The following MDGA2 variants were observed in gnomAD, a reference collection of about 807,000 sequenced individuals.
MDGA2 encodes the protein MAM domain containing glycosylphosphatidylinositol anchor 2.
Under a neutral mutation model 117.8 loss-of-function variants are expected in MDGA2, and 40 were observed. The ratio of observed to expected loss-of-function variants is 0.34; its 90% CI spans 0.26 to 0.44. The LOEUF (loss-of-function observed/expected upper bound fraction) is 0.44, where lower values mean the gene tolerates loss of function less well. Among genes scored for constraint, MDGA2 ranks in the 20% least tolerant of loss-of-function variants. The pLI is 1.00. For missense variants in MDGA2, 1,123 were observed against 1,250.6 expected (o/e 0.90, Z 1.54); for synonymous variants, 452 against 439.0 (o/e 1.03, Z -0.37).
chr14:47,283,722 A>C (rs930555172), intron 2 of MDGA2, among the ~76,000 whole-genome samples: 1 of 152,220 alleles, frequency 6.6e-6, no homozygotes, highest in Non-Finnish European at 1.5e-5. Context: ...TTAAGAAATG[A>C]TGATAATCCT....
At chr14:46,948,522 A>T (rs1277329481) in intron 9 of MDGA2, among the ~76,000 whole-genome samples, 1 of 151,742 alleles carries the variant, frequency 6.6e-6, no homozygotes, top group Admixed American at 6.6e-5. Context: ...CACTGCTCTT[A>T]CCCTAAGTTG....
At chr14:47,081,557 A>G (rs1011497372) in intron 6 of MDGA2, among the ~76,000 whole-genome samples, 19 of 152,102 alleles carry the variant, frequency 1.2e-4, no homozygotes, top group African/African-American at 4.1e-4. Flanking sequence ...ACAAAACAAA[A>G]ACACTAGAGT....
chr14:47,485,305 T>G (rs1894037339), intron 1 of MDGA2, among the ~76,000 whole-genome samples: 1 of 152,152 alleles, frequency 6.6e-6, no homozygotes, highest in Non-Finnish European at 1.5e-5. Context: ...TGCCCCACCC[T>G]AGAAATCTGT....
At chr14:47,248,417 A>G (rs113672897) in intron 2 of MDGA2, among the ~76,000 whole-genome samples, 6,122 of 151,802 alleles carry the variant, frequency 0.04, 271 homozygotes, top group Middle Eastern at 0.048. Context: ...TAGATTAATG[A>G]AAGAAGACAA....
chr14:47,419,748 A>G (rs1015539752), intron 1 of MDGA2, among the ~76,000 whole-genome samples: 1 of 152,020 alleles, frequency 6.6e-6, no homozygotes, highest in Non-Finnish European at 1.5e-5. Context: ...TATACTGCAT[A>G]TTCATATTTA....
At chr14:47,111,100 A>T (rs1316269383) in intron 5 of MDGA2, among the ~76,000 whole-genome samples, 1 of 152,198 alleles carries the variant, frequency 6.6e-6, no homozygotes, top group Non-Finnish European at 1.5e-5. Context: ...TGTCCTAGAC[A>T]TTCTCCAAAA....
intron 1 of MDGA2, among the ~76,000 whole-genome samples, chr14:47,337,233 G>A (rs1890486455): frequency 6.6e-6 from 1 of 151,920 alleles, no homozygotes; most frequent in Non-Finnish European, 1.5e-5. Context: ...TTCAAGGAAG[G>A]TAAAATCTGT....
intron 1 of MDGA2, among the ~76,000 whole-genome samples, chr14:47,418,809 G>C (rs911172051): frequency 6.6e-6 from 1 of 152,124 alleles, no homozygotes; most frequent in African/African-American, 2.4e-5. Flanking sequence ...AGGTCTAAGG[G>C]AACAAGAAGA....
intron 1 of MDGA2, among the ~76,000 whole-genome samples, chr14:47,461,365 T>G (rs931023348): frequency 1.3e-5 from 2 of 151,482 alleles, no homozygotes; most frequent in Non-Finnish European, 2.9e-5. Flanking sequence ...AGGAAGAACA[T>G]TTGGTCAAAC....
In MDGA2 at chr14:47,674,591, T is replaced by C. The variant is rs972811953; in HGVS notation, c.206A>G (p.Lys69Arg). The C allele has an allele frequency of 3.2e-6, 5 of 1,551,372 alleles. No individual in the cohort carries two copies. Among genetic ancestry groups the C allele is most frequent in the Non-Finnish European group, 3.5e-6 (4 of 1,146,782 alleles). ...CACGAGACCGTACAGTAAATCCATC[T>C]TCACGTGAACATGAACATATCCAGC... ...PWAGYVHVHV[K>R]MDLLYGLVWL... is the part of the protein sequence containing the mutation. Residue 69 changes from lysine to arginine, a missense_variant, in exon 1 of 17, where the codon AAG (lysine) becomes AGG (arginine). Around this residue, in one of 2 missense-constraint regions of MDGA2, gnomAD observed 233 missense variants for 200.3 expected, o/e 1.16. Transcript: ENST00000399232.
chr14:47,422,557 A>C (rs1892601523), intron 1 of MDGA2, among the ~76,000 whole-genome samples: 1 of 152,212 alleles, frequency 6.6e-6, no homozygotes, highest in Non-Finnish European at 1.5e-5. Context: ...ATTTACATTG[A>C]ATAAAGTTTT....
intron 1 of MDGA2, among the ~76,000 whole-genome samples, chr14:47,359,029 A>G (rs1311433654): frequency 1.3e-5 from 2 of 152,184 alleles, no homozygotes; most frequent in East Asian, 3.9e-4. Flanking sequence ...ATAAAGAAAA[A>G]CAAAGTTGAA....
intron 6 of MDGA2, among the ~76,000 whole-genome samples, chr14:47,077,025 C>G (rs1890521131): frequency 2.0e-5 from 3 of 151,944 alleles, no homozygotes; most frequent in African/African-American, 7.2e-5. Context: ...TGGCTGGCAA[C>G]TCATCATGAA....
At chr14:47,067,590 G>T (rs987810062) in intron 6 of MDGA2, among the ~76,000 whole-genome samples, 3 of 150,162 alleles carry the variant, frequency 2.0e-5, no homozygotes, top group African/African-American at 4.8e-5. Context: ...TAAGAGCCGC[G>T]TGCCTCTTTC....
intron 1 of MDGA2, among the ~76,000 whole-genome samples, chr14:47,575,139 G>A (rs1477569745): frequency 1.3e-5 from 2 of 152,068 alleles, no homozygotes; most frequent in East Asian, 1.9e-4. Flanking sequence ...TAATCATTGT[G>A]TCCATTTTAC....
At chr14:47,409,576 C>T (rs536821118) in intron 1 of MDGA2, among the ~76,000 whole-genome samples, 275 of 152,230 alleles carry the variant, frequency 1.8e-3, no homozygotes, top group Middle Eastern at 3.4e-3. Context: ...GCTGCCATCC[C>T]TATTTCTAAT....
intron 7 of MDGA2, among the ~76,000 whole-genome samples, chr14:47,035,893 T>C (rs1311998772): frequency 6.6e-6 from 1 of 152,196 alleles, no homozygotes; most frequent in African/African-American, 2.4e-5. Flanking sequence ...GATGTCATTG[T>C]AAATAGTTTG....
At chr14:46,906,636 AACTTTAC>A (rs1309716460) in intron 10 of MDGA2, among the ~76,000 whole-genome samples, 1 of 152,172 alleles carries the variant, frequency 6.6e-6, no homozygotes, top group East Asian at 1.9e-4. Context: ...TGTTAGCTAG[AACTTTAC>A]ACTTTATAAC....
intron 3 of MDGA2, among the ~76,000 whole-genome samples, chr14:47,185,851 T>C (rs1236667242): frequency 2.6e-5 from 4 of 151,634 alleles, no homozygotes; most frequent in Non-Finnish European, 3.0e-5. Flanking sequence ...TTGAGTACTA[T>C]ATTTAGTCGC....
Sources: gnomAD v4.1 joint callset for allele counts (sites outside exome capture counted in the v4.1 genomes callset) on GRCh38, gnomAD v4.1.1 for gene constraint, gnomAD v4.1.1 regional missense constraint, MANE v1.5 for transcripts, NCBI Gene and HGNC (gene_info 2026-07-23, HGNC 2026-07-21) for gene names.